GRID1: variants seen among roughly 807,000 people sequenced by gnomAD.
GRID1 encodes glutamate ionotropic receptor delta type subunit 1, also known as glutamate receptor ionotropic, delta-1.
A neutral mutation model predicts 98.0 loss-of-function variants in GRID1; 28 were observed. That is an observed-to-expected ratio of 0.29 (90% CI 0.21 to 0.39). The LOEUF is 0.39. Among genes scored for constraint, GRID1 ranks in the 10% least tolerant of loss-of-function variants. The pLI is 1.00. For missense variants in GRID1, 1,111 were observed against 1,340.5 expected (o/e 0.83, Z 2.67); for synonymous variants, 553 against 538.5 (o/e 1.03, Z -0.37).
At position 86,006,375 on chromosome 10, in the gene GRID1, C is replaced by T. The variant is rs563626975; in HGVS notation, c.727-90136G>A. ...GTGGCTCATGCCTATAATCCCAGCA[C>T]TTTGGGAGGCCGAGGTGAGCGGATC... On this transcript the variant is annotated intron_variant, in intron 4 of 15. Transcript: ENST00000327946. Among the ~76,000 whole-genome samples, 23 of 152,292 alleles carry T rather than the reference C, an allele frequency of 1.5e-4. No individual in the cohort carries two copies. In the South Asian group the frequency reaches 4.4e-3, roughly 29 times the overall value.
chr10:86,088,596 C>G (rs746757598), intron 4 of GRID1, among the ~76,000 whole-genome samples: 17 of 152,178 alleles, frequency 1.1e-4, no homozygotes, highest in Non-Finnish European at 2.2e-4. Flanking sequence ...CAGATGAAAA[C>G]TTTGGGGGTT....
chr10:86,154,007 C>T (rs554122598), intron 3 of GRID1, among the ~76,000 whole-genome samples: 3 of 152,178 alleles, frequency 2.0e-5, no homozygotes, highest in Admixed American at 1.3e-4. Context: ...ATGGACTGGA[C>T]GGTGGAGCCA....
chr10:86,111,362 A>T (rs896029905), intron 4 of GRID1, among the ~76,000 whole-genome samples: 3 of 152,014 alleles, frequency 2.0e-5, no homozygotes, highest in African/African-American at 7.2e-5. Flanking sequence ...GCAACCATCC[A>T]ATCAACCATG....
chr10:85,719,431 A>T (rs936428837), intron 12 of GRID1, among the ~76,000 whole-genome samples: 4 of 152,232 alleles, frequency 2.6e-5, no homozygotes, highest in Admixed American at 6.5e-5. Context: ...CTGGGAACAA[A>T]AAAAAAGTTT....
chr10:85,895,867 G>T (rs1022394627), intron 5 of GRID1, among the ~76,000 whole-genome samples: 2 of 152,170 alleles, frequency 1.3e-5, no homozygotes, highest in Non-Finnish European at 2.9e-5. Context: ...GCCACAAGGA[G>T]GATATAAAAG....
In GRID1 at chr10:85,724,298, T is replaced by A. The variant is rs1841736101; in HGVS notation, c.1858+54A>T. On this transcript the variant is annotated intron_variant, in intron 11 of 15. Coordinates refer to ENST00000327946, the MANE Select transcript of GRID1 (RefSeq NM_017551.3). ...TGCACCTGAGAACTTTGCCAATGGA[T>A]AAGTTCTTCCAGGCCCCTAGAGCTA... is the stretch of plus-strand genomic sequence containing the variant. 9 of 1,401,882 alleles carry A rather than the reference T, an allele frequency of 6.4e-6. No individual in the cohort carries two copies. In the South Asian group the frequency reaches 1.2e-4, roughly 18 times the overall value. The allele number at this position is 1,401,882 out of a possible 1,614,324, so 86.8% of individuals were successfully genotyped here. A position where few individuals can be genotyped will look rare whatever the true frequency, so the allele number is the denominator to read the frequency against.
chr10:85,970,149 C>G (rs1412387597), intron 4 of GRID1, among the ~76,000 whole-genome samples: 1 of 151,988 alleles, frequency 6.6e-6, no homozygotes, highest in Non-Finnish European at 1.5e-5. Flanking sequence ...ATACCTATAA[C>G]AAGTTAAGAA....
intron 13 of GRID1, among the ~76,000 whole-genome samples, chr10:85,625,498 G>A (rs1308278558): frequency 6.6e-6 from 1 of 152,190 alleles, no homozygotes; most frequent in Non-Finnish European, 1.5e-5. Context: ...AATAGATGCA[G>A]GAACTTTAGT....
At chr10:86,089,537 T>C (rs569965048) in intron 4 of GRID1, among the ~76,000 whole-genome samples, 115 of 152,302 alleles carry the variant, frequency 7.6e-4, no homozygotes, top group Admixed American at 1.3e-3. Context: ...AAGATCACTA[T>C]TCACACAAAG....
At chr10:85,655,284 T>A (rs1420464502) in intron 12 of GRID1, among the ~76,000 whole-genome samples, 3 of 152,166 alleles carry the variant, frequency 2.0e-5, no homozygotes, top group Non-Finnish European at 4.4e-5. Flanking sequence ...AAAGAGTGGA[T>A]CCATGCCCAC....
intron 3 of GRID1, among the ~76,000 whole-genome samples, chr10:86,181,325 T>C (rs531153103): frequency 6.6e-6 from 1 of 152,198 alleles, no homozygotes; most frequent in African/African-American, 2.4e-5. Context: ...CCCCAGGACC[T>C]GGCTCTCCCC....
chr10:86,170,791 T>TTTGG (rs745859548), intron 3 of GRID1, among the ~76,000 whole-genome samples: 4 of 152,194 alleles, frequency 2.6e-5, no homozygotes, highest in Non-Finnish European at 5.9e-5. Flanking sequence ...AGTGAAGCTA[T>TTTGG]TTGGGGTCAC....
At position 86,324,724 on chromosome 10, in the gene GRID1, A is replaced by G. The variant is rs568091927; in HGVS notation, c.235+39217T>C. Among the ~76,000 whole-genome samples the G allele has an allele frequency of 3.3e-4, 51 of 152,384 alleles. 1 individual carries two copies. The South Asian group carries it at 9.5e-3, about 28-fold the overall frequency. On this transcript the variant is annotated intron_variant, in intron 2 of 15. Coordinates refer to ENST00000327946, the MANE Select transcript of GRID1 (RefSeq NM_017551.3). ...TAAAATGGCAAGGAAAAGTCCAGGC[A>G]TATCAATCATCTCAATAAAAGTAAA...
chr10:86,292,186 C>A (rs999698613), intron 2 of GRID1, among the ~76,000 whole-genome samples: 1 of 152,200 alleles, frequency 6.6e-6, no homozygotes, highest in African/African-American at 2.4e-5. Flanking sequence ...GGGAACCTGA[C>A]CAAGGGGAGA....
intron 8 of GRID1, among the ~76,000 whole-genome samples, chr10:85,792,257 A>G (rs1842487398): frequency 2.6e-5 from 4 of 152,300 alleles, no homozygotes; most frequent in Admixed American, 2.6e-4. Flanking sequence ...CAGCAGTCGC[A>G]GCCACAGCAG....
At chr10:86,141,357 TC>T (rs1190112862) in intron 3 of GRID1, among the ~76,000 whole-genome samples, 5 of 152,156 alleles carry the variant, frequency 3.3e-5, no homozygotes, top group Admixed American at 6.5e-5. Context: ...AAAGACCTCT[TC>T]TTAACCAATC....
chr10:86,191,085 G>A (rs887223824), intron 3 of GRID1, among the ~76,000 whole-genome samples: 10 of 152,144 alleles, frequency 6.6e-5, no homozygotes, highest in Non-Finnish European at 1.2e-4. Flanking sequence ...CATCTGCTCA[G>A]GCCTGTTACA....
chr10:86,105,512 C>T (rs979710186), intron 4 of GRID1, among the ~76,000 whole-genome samples: 4 of 152,218 alleles, frequency 2.6e-5, no homozygotes, highest in Admixed American at 6.5e-5. Flanking sequence ...CACTTGAGTC[C>T]TAGCCTTCTG....
chr10:85,940,144 T>C (rs1841981498), intron 4 of GRID1, among the ~76,000 whole-genome samples: 1 of 151,728 alleles, frequency 6.6e-6, no homozygotes, highest in Admixed American at 6.6e-5. Flanking sequence ...CCACAACTCT[T>C]AGATGTAGTA....
Sources: allele counts gnomAD v4.1 joint callset (sites outside exome capture counted in the v4.1 genomes callset), GRCh38; gene constraint gnomAD v4.1.1; transcripts MANE v1.5; gene names NCBI Gene and HGNC (gene_info 2026-07-23, HGNC 2026-07-21).